KCNN3: variants seen among roughly 807,000 people sequenced by gnomAD.
KCNN3 encodes the protein potassium calcium-activated channel subfamily N member 3.
A neutral mutation model predicts 62.9 loss-of-function variants in KCNN3; 16 were observed. The ratio of observed to expected loss-of-function variants is 0.25; its 90% CI spans 0.17 to 0.39. The LOEUF (loss-of-function observed/expected upper bound fraction) is 0.39. KCNN3 is among the 10% of genes least tolerant of loss of function. The pLI, the probability that KCNN3 is intolerant of heterozygous loss-of-function variation, is 1.00. For missense variants in KCNN3, 599 were observed against 949.4 expected (o/e 0.63, Z 4.85); for synonymous variants, 370 against 389.2 (o/e 0.95, Z 0.58).
intron 1 of KCNN3, among the ~76,000 whole-genome samples, chr1:154,846,682 G>A (rs1234495218): frequency 6.6e-6 from 1 of 152,164 alleles, no homozygotes; most frequent in Non-Finnish European, 1.5e-5. Flanking sequence ...TCAGATTTCA[G>A]ATGAACGAGT....
intron 1 of KCNN3, among the ~76,000 whole-genome samples, chr1:154,855,836 A>G (rs1442788094): frequency 1.3e-5 from 2 of 152,116 alleles, no homozygotes; most frequent in African/African-American, 2.4e-5. Context: ...TGTCTAGCAT[A>G]TGGTAGGTGC....
intron 2 of KCNN3, among the ~76,000 whole-genome samples, chr1:154,803,597 T>C (rs1022125100): frequency 6.6e-6 from 1 of 152,218 alleles, no homozygotes; most frequent in African/African-American, 2.4e-5. Flanking sequence ...ATCCTTCACG[T>C]GGCATATTTT....
chr1:154,859,101 C>T (rs1652652473), intron 1 of KCNN3, among the ~76,000 whole-genome samples: 1 of 152,238 alleles, frequency 6.6e-6, no homozygotes, highest in Admixed American at 6.5e-5. Flanking sequence ...CCCTGAGCAA[C>T]ATGCCTACCC....
Position 154,869,319 on chromosome 1 carries a change from G to C in KCNN3, c.646C>G (p.Pro216Ala). Residue 216 changes from proline to alanine, a missense_variant, in exon 1 of 8, where the codon CCC (proline) becomes GCC (alanine). By Grantham distance (27) the Pro-to-Ala change is conservative (BLOSUM62 -1). Coordinates refer to ENST00000271915, the MANE Select transcript of KCNN3 (RefSeq NM_002249.6). The surrounding 1 kb of genome is among the most constrained non-coding windows in gnomAD (Gnocchi z 6.1). ...CGGGAGGAGATGACGATCTCCGGGG[G>C]GTTGCTAGGGCTGAAAAGCTGGAGG... Reference protein sequence around the residue: ...QPLQLFSPSNPPEIVISSRED... With the variant: ...QPLQLFSPSNAPEIVISSRED... The C allele has an allele frequency of 3.7e-6, 6 of 1,613,766 alleles. No individual in the cohort carries two copies. The highest frequency in any genetic ancestry group is 5.1e-6 in the Non-Finnish European group (6 of 1,179,702).
At chr1:154,724,973 C>T (rs543322392) in intron 5 of KCNN3, among the ~76,000 whole-genome samples, 2 of 151,972 alleles carry the variant, frequency 1.3e-5, no homozygotes, top group South Asian at 4.2e-4. Flanking sequence ...TCTCCTGCCT[C>T]AGCCTCCTGA....
At chr1:154,782,993 A>G (rs1649116190) in intron 2 of KCNN3, among the ~76,000 whole-genome samples, 1 of 152,216 alleles carries the variant, frequency 6.6e-6, no homozygotes, top group African/African-American at 2.4e-5. Context: ...CGGGCGGATC[A>G]TGAGGTCAGG....
chr1:154,865,945 G>A (rs936816251), intron 1 of KCNN3, among the ~76,000 whole-genome samples: 7 of 152,060 alleles, frequency 4.6e-5, no homozygotes, highest in African/African-American at 1.4e-4. Flanking sequence ...TTGTCCATCC[G>A]CCTGCCTCCA....
At chr1:154,718,688 G>T (rs558144405) in intron 5 of KCNN3, among the ~76,000 whole-genome samples, 1 of 152,142 alleles carries the variant, frequency 6.6e-6, no homozygotes, top group Non-Finnish European at 1.5e-5. Flanking sequence ...CGGAGAAGAC[G>T]GTATGCAGTT....
rs185979791 is a variant in KCNN3 at position 154,776,531 on chromosome 1, C to T, written c.1030-4138G>A. ...TCTGCATCTGCAGGGTGGGATGTGT[C>T]CCAGAAGATCCCATTGCTGTCCCAC... On this transcript the variant is annotated intron_variant, in intron 2 of 7. Transcript: ENST00000271915. 6.6e-4 allele frequency among the ~76,000 whole-genome samples: 100 copies of T among 152,168 alleles called. 1 individual carries two copies. The East Asian group carries it at 0.016, about 25-fold the overall frequency.
At chr1:154,759,370 A>G (rs763754074) in intron 3 of KCNN3, among the ~76,000 whole-genome samples, 5 of 152,228 alleles carry the variant, frequency 3.3e-5, no homozygotes, top group African/African-American at 4.8e-5. Flanking sequence ...ACGAGGGGCA[A>G]ACAAAACAAC....
At chr1:154,836,412 C>T (rs1321599020) in intron 1 of KCNN3, among the ~76,000 whole-genome samples, 1 of 152,180 alleles carries the variant, frequency 6.6e-6, no homozygotes, top group East Asian at 1.9e-4. Context: ...TCTCTGAGCT[C>T]CCCTAGTCCA....
At position 154,808,044 on chromosome 1, in the gene KCNN3, C is replaced by T. The variant is rs75609189; in HGVS notation, c.1029+14045G>A. On this transcript the variant is annotated intron_variant, in intron 2 of 7. Transcript: ENST00000271915. ...CACCCGTCTCCCATCCCCATTCTTA[C>T]CTCTCAGTCTTTGATACAGACTATT... Among the ~76,000 whole-genome samples, 466 of 152,310 alleles carry T rather than the reference C, an allele frequency of 3.1e-3. 1 individual carries two copies. Among genetic ancestry groups the T allele is most frequent in the Admixed American group, 6.2e-3 (95 of 15,304 alleles).
chr1:154,833,259 C>A (rs1185607789), intron 1 of KCNN3, among the ~76,000 whole-genome samples: 3 of 152,196 alleles, frequency 2.0e-5, no homozygotes, highest in Non-Finnish European at 4.4e-5. Context: ...ATCCCCCAAC[C>A]CCGGCAATGT....
intron 6 of KCNN3, among the ~76,000 whole-genome samples, chr1:154,714,587 A>G (rs111450115): frequency 0.016 from 281 of 17,554 alleles, no homozygotes; most frequent in Middle Eastern, 0.05. Context: ...TGTGGTGTGT[A>G]TGGTGTGTGT....
At chr1:154,760,136 C>G (rs1407943061) in intron 3 of KCNN3, among the ~76,000 whole-genome samples, 5 of 151,900 alleles carry the variant, frequency 3.3e-5, no homozygotes, top group African/African-American at 1.2e-4. Context: ...CCTCAGTCTC[C>G]CGAGTAGCTG....
chr1:154,764,445 G>T (rs1460762801), intron 3 of KCNN3, among the ~76,000 whole-genome samples: 1 of 152,168 alleles, frequency 6.6e-6, no homozygotes, highest in African/African-American at 2.4e-5. Context: ...TGCAGATACA[G>T]TCTCATAGAA....
chr1:154,701,866 A>C lies in KCNN3; in HGVS notation c.*6110T>G, dbSNP rs1015314926. 6.6e-6 allele frequency: 1 copy of C among 152,194 alleles called. No individual in the cohort carries two copies. Among genetic ancestry groups the C allele is most frequent in the African/African-American group, 2.4e-5 (1 of 41,444 alleles). 9.4% of individuals were successfully genotyped at this position (152,194 alleles called of 1,614,324 possible). A position where few individuals can be genotyped will look rare whatever the true frequency, so the allele number is the denominator to read the frequency against. On this transcript the variant is annotated 3_prime_UTR_variant, in exon 8 of 8. Coordinates refer to ENST00000271915, the MANE Select transcript of KCNN3 (RefSeq NM_002249.6). ...GAATGCCTAGGATTTTGAGTATTTT[A>C]AGTTACAGGAAAACAGGACTCTTTC...
At chr1:154,815,703 G>A (rs1407592321) in intron 2 of KCNN3, among the ~76,000 whole-genome samples, 1 of 152,198 alleles carries the variant, frequency 6.6e-6, no homozygotes, top group Non-Finnish European at 1.5e-5. Context: ...AATTTAGAGA[G>A]GTCAGTACGT....
intron 2 of KCNN3, among the ~76,000 whole-genome samples, chr1:154,784,151 C>T (rs557615319): frequency 6.6e-6 from 1 of 152,248 alleles, no homozygotes; most frequent in South Asian, 2.1e-4. Flanking sequence ...CAAGTGACCC[C>T]GGCCAATCCT....
Sources: gnomAD v4.1 joint callset for allele counts (sites outside exome capture counted in the v4.1 genomes callset) on GRCh38, gnomAD v4.1.1 for gene constraint, Gnocchi (gnomAD v3.1) non-coding constraint, MANE v1.5 for transcripts, NCBI Gene and HGNC (gene_info 2026-07-23, HGNC 2026-07-21) for gene names.